Variants in PPARGC1A observed in about 807,000 individuals in gnomAD.
PPARGC1A encodes PPARG coactivator 1 alpha.
Under a neutral mutation model 88.7 loss-of-function variants are expected in PPARGC1A, and 25 were observed. That is an observed-to-expected ratio of 0.28 (90% CI 0.21 to 0.39). PPARGC1A has a LOEUF of 0.39. Ranked by LOEUF, PPARGC1A falls within the 10% of genes least tolerant of loss-of-function variation. The probability of loss-of-function intolerance (pLI) is 1.00; values close to 1 mark genes in which losing one functional copy is unlikely to be tolerated. For missense variants in PPARGC1A, 880 were observed against 968.7 expected (o/e 0.91, Z 1.22); for synonymous variants, 363 against 355.6 (o/e 1.02, Z -0.24).
At chr4:24,291,964 G>T in the PPARGC1A span, among the ~76,000 whole-genome samples, 142 of 152,276 alleles carry the variant, frequency 9.3e-4, no homozygotes, top group African/African-American at 3.3e-3. Context: ...AGAAAACAAA[G>T]GTTATCATTT....
the PPARGC1A span, among the ~76,000 whole-genome samples, chr4:24,087,404 A>T: frequency 3.3e-5 from 5 of 152,292 alleles, no homozygotes; most frequent in Admixed American, 2.0e-4. Context: ...AGGCACAGAT[A>T]GACAGTATTT....
the PPARGC1A span, among the ~76,000 whole-genome samples, chr4:24,053,190 C>A: frequency 4.0e-5 from 6 of 151,548 alleles, no homozygotes; most frequent in Middle Eastern, 6.8e-3. Flanking sequence ...TTTTTAAGTC[C>A]AGCAATTTTT....
At chr4:24,312,454 G>C in the PPARGC1A span, among the ~76,000 whole-genome samples, 1 of 151,864 alleles carries the variant, frequency 6.6e-6, no homozygotes, top group Non-Finnish European at 1.5e-5. Flanking sequence ...CCAGGACTGA[G>C]CTCTGAGGCA....
At chr4:24,386,969 C>T in the PPARGC1A span, among the ~76,000 whole-genome samples, 1 of 152,200 alleles carries the variant, frequency 6.6e-6, no homozygotes, top group Non-Finnish European at 1.5e-5. Flanking sequence ...CTGGAGGCAT[C>T]ATGCTACCCG....
At chr4:23,880,230 C>T (rs537931273) in intron 2 of PPARGC1A, among the ~76,000 whole-genome samples, 4 of 152,292 alleles carry the variant, frequency 2.6e-5, no homozygotes, top group East Asian at 1.9e-4. Flanking sequence ...TATTTGTATA[C>T]ACAGCCTTGC....
At position 23,795,903 on chromosome 4, in the gene PPARGC1A, G is replaced by T; in HGVS notation, c.2316C>A (p.Asp772Glu). ...CATACTTGCTCTTGGTGGAAGCAGG[G>T]TCAAAGTCATCTGAGTTTGAATCTG... ...ADLDSNSDDF[D>E]PASTKSKYDS... The change falls in exon 13 of 13, where the codon GAC becomes GAA. Residue 772 changes from aspartate to glutamate, a missense_variant. Transcript: ENST00000264867. 1 of 1,610,530 alleles carries T rather than the reference G, an allele frequency of 6.2e-7. No homozygotes were observed.
chr4:24,111,809 G>A, the PPARGC1A span, among the ~76,000 whole-genome samples: 2 of 152,152 alleles, frequency 1.3e-5, no homozygotes, highest in Non-Finnish European at 2.9e-5. Context: ...ACGGCTCCCA[G>A]TGGAGACAGT....
At chr4:24,152,134 T>C in the PPARGC1A span, among the ~76,000 whole-genome samples, 1 of 152,244 alleles carries the variant, frequency 6.6e-6, no homozygotes, top group African/African-American at 2.4e-5. Context: ...AAGATTTTTC[T>C]TTCTTCGATT....
intron 1 of PPARGC1A, among the ~76,000 whole-genome samples, chr4:23,898,983 G>C (rs773994060): frequency 5.9e-5 from 9 of 151,828 alleles, no homozygotes; most frequent in Non-Finnish European, 1.0e-4. Flanking sequence ...TTACAGGCGA[G>C]CACCACGACG....
At chr4:23,807,704 C>A (rs1318906345) in intron 10 of PPARGC1A, among the ~76,000 whole-genome samples, 1 of 151,956 alleles carries the variant, frequency 6.6e-6, no homozygotes, top group East Asian at 1.9e-4. Flanking sequence ...TCCATCACCT[C>A]CAAAATTTCC....
intron 2 of PPARGC1A, among the ~76,000 whole-genome samples, chr4:23,852,720 C>A (rs1269498399): frequency 6.6e-6 from 1 of 152,130 alleles, no homozygotes; most frequent in Non-Finnish European, 1.5e-5. Context: ...CAACATAACT[C>A]TTTTAAAGTA....
At chr4:24,408,350 T>G in the PPARGC1A span, among the ~76,000 whole-genome samples, 2 of 151,142 alleles carry the variant, frequency 1.3e-5, no homozygotes, top group African/African-American at 4.9e-5. Context: ...ATTTTGATAC[T>G]GCTTTGAAAA....
intron 2 of PPARGC1A, among the ~76,000 whole-genome samples, chr4:23,870,778 A>G (rs561980835): frequency 5.6e-4 from 86 of 152,286 alleles, no homozygotes; most frequent in Middle Eastern, 3.4e-3. Context: ...ATAATCCTAA[A>G]TTTTTAATGG....
At chr4:23,896,220 G>A (rs897932892) in intron 1 of PPARGC1A, among the ~76,000 whole-genome samples, 11 of 151,866 alleles carry the variant, frequency 7.2e-5, no homozygotes, top group Admixed American at 4.6e-4. Flanking sequence ...TACTTTTTAC[G>A]TTCCTTTATG....
At chr4:23,965,997 C>G in the PPARGC1A span, among the ~76,000 whole-genome samples, 1 of 152,088 alleles carries the variant, frequency 6.6e-6, no homozygotes. Flanking sequence ...GAACAGGCAC[C>G]TGAGAGGAAA....
At chr4:24,159,959 T>G in the PPARGC1A span, among the ~76,000 whole-genome samples, 1 of 152,154 alleles carries the variant, frequency 6.6e-6, no homozygotes, top group African/African-American at 2.4e-5. Context: ...CCAAATTAAC[T>G]CTCTGCCTAA....
chr4:23,955,158 T>C, the PPARGC1A span, among the ~76,000 whole-genome samples: 1 of 152,092 alleles, frequency 6.6e-6, no homozygotes, highest in Non-Finnish European at 1.5e-5. Flanking sequence ...ACATGGTTAT[T>C]TGCAGCATTC....
chr4:23,974,144 A>G, the PPARGC1A span, among the ~76,000 whole-genome samples: 3 of 152,138 alleles, frequency 2.0e-5, no homozygotes, highest in Admixed American at 1.3e-4. Flanking sequence ...CATGTCCAAT[A>G]TTTATTGAGA....
the PPARGC1A span, among the ~76,000 whole-genome samples, chr4:24,403,116 G>A: frequency 5.3e-5 from 8 of 152,254 alleles, no homozygotes; most frequent in South Asian, 2.1e-4. Flanking sequence ...GTGCTACAGC[G>A]GGATTCAAAC....
Sources: gnomAD v4.1 joint callset for allele counts (sites outside exome capture counted in the v4.1 genomes callset) on GRCh38, gnomAD v4.1.1 for gene constraint, MANE v1.5 for transcripts, NCBI Gene and HGNC (gene_info 2026-07-23, HGNC 2026-07-21) for gene names.